RASSF5: variants seen among roughly 807,000 people sequenced by gnomAD.
RASSF5 encodes the protein ras association domain-containing protein 5.
In RASSF5, 25 loss-of-function variants were observed where a neutral mutation model predicts 40.5. The observed-to-expected ratio is 0.62, with a 90% CI of 0.45 to 0.86. The LOEUF is 0.86. Ranked by LOEUF, RASSF5 falls within the 40% of genes least tolerant of loss-of-function variation. The pLI is 0.00. For synonymous variants in RASSF5, 246 were observed against 252.4 expected, an observed-to-expected ratio of 0.97 and a Z score of 0.24; for missense variants, 521 against 572.8, an observed-to-expected ratio of 0.91 and a Z score of 0.92.
chr1:206,539,123 G>A (rs782151038), intron 2 of RASSF5, among the ~76,000 whole-genome samples: 64 of 152,182 alleles, frequency 4.2e-4, no homozygotes, highest in Non-Finnish European at 7.5e-4. Context: ...TAATGTGTGG[G>A]TTGAAGGTTG....
At chr1:206,570,309 G>A (rs1247939262) in intron 2 of RASSF5, among the ~76,000 whole-genome samples, 1 of 151,824 alleles carries the variant, frequency 6.6e-6, no homozygotes, top group Non-Finnish European at 1.5e-5. Context: ...GGTCAGGATG[G>A]TCTCAGACTC....
At chr1:206,527,499 T>C (rs1037113916) in intron 1 of RASSF5, among the ~76,000 whole-genome samples, 1 of 152,026 alleles carries the variant, frequency 6.6e-6, no homozygotes, top group Non-Finnish European at 1.5e-5. Context: ...CTCGCAGATA[T>C]GGTGTTCCAG....
intron 2 of RASSF5, among the ~76,000 whole-genome samples, chr1:206,556,454 G>A (rs1667988776): frequency 6.6e-6 from 1 of 152,216 alleles, no homozygotes; most frequent in Non-Finnish European, 1.5e-5. Flanking sequence ...GAAGGATTCA[G>A]CCCTATGTGT....
intron 1 of RASSF5, among the ~76,000 whole-genome samples, chr1:206,532,486 A>G (rs751203933): frequency 3.9e-5 from 6 of 152,332 alleles, no homozygotes; most frequent in Non-Finnish European, 7.3e-5. Context: ...TTCTCTTTCC[A>G]TGACATCACA....
intron 2 of RASSF5, chr1:206,541,923 A>G (rs1034555788): frequency 6.6e-6 from 1 of 152,176 alleles, no homozygotes; most frequent in Non-Finnish European, 1.5e-5. Flanking sequence ...TGGCCCCAAG[A>G]GAAGAAGTCT....
At chr1:206,549,955 T>C (rs1466743963) in intron 2 of RASSF5, among the ~76,000 whole-genome samples, 3 of 152,220 alleles carry the variant, frequency 2.0e-5, no homozygotes, top group African/African-American at 7.2e-5. Flanking sequence ...GTGAATACTA[T>C]AGGGGCCTTT....
At chr1:206,534,932 A>G (rs1291056732) in intron 1 of RASSF5, among the ~76,000 whole-genome samples, 4 of 152,050 alleles carry the variant, frequency 2.6e-5, no homozygotes, top group African/African-American at 4.8e-5. Flanking sequence ...CTCCTTCCTC[A>G]TCCAAACTGA....
Position 206,538,162 on chromosome 1 carries a change from T to G in RASSF5, c.458-10T>G, listed in dbSNP as rs527999459. ...TGTCCTCTAATCTCCCTTTTGTTCT[T>G]TACCTCCAGACTGTAAATTCACCTG... On this transcript the variant is annotated splice_polypyrimidine_tract_variant and intron_variant, in intron 1 of 5. Coordinates refer to ENST00000579436, the MANE Select transcript of RASSF5 (RefSeq NM_182663.4). 6 of 1,614,024 alleles carry G rather than the reference T, an allele frequency of 3.7e-6. No homozygotes were observed. Among genetic ancestry groups the G allele is most frequent in the Non-Finnish European group, 5.1e-6 (6 of 1,180,026 alleles).
rs10603701 is a variant in RASSF5 at position 206,546,089 on chromosome 1, ATTTTTTTTTTTTTT to A, written c.579+7820_579+7833del. ...TTTTTCTTTTCTTTCTTCTTTTTCT[ATTTTTTTTTTTTTT>A]TTTTTTTTTTTTTTTTTTTTTTTGG... On this transcript the variant is annotated intron_variant, in intron 2 of 5. Transcript: ENST00000579436. Among the ~76,000 whole-genome samples, 268 of 48,208 alleles carry A rather than the reference ATTTTTTTTTTTTTT, an allele frequency of 5.6e-3. 3 individuals carry two copies. The highest frequency in any genetic ancestry group is 0.02 in the African/African-American group (249 of 12,316). The allele number at this position is 48,208 out of a possible 152,430, so 31.6% of individuals were successfully genotyped here.
At chr1:206,510,410 TTCA>T (rs1433696335) in intron 1 of RASSF5, among the ~76,000 whole-genome samples, 84 of 152,322 alleles carry the variant, frequency 5.5e-4, no homozygotes, top group African/African-American at 2.0e-3. Context: ...TATTACCTAC[TTCA>T]TCATGTTAAT....
intron 2 of RASSF5, among the ~76,000 whole-genome samples, chr1:206,582,069 C>T (rs183188565): frequency 8.5e-5 from 13 of 152,332 alleles, no homozygotes; most frequent in Admixed American, 5.9e-4. Flanking sequence ...ACTTGAACGT[C>T]AGGCAAATTC....
At chr1:206,527,903 C>T (rs781892241) in intron 1 of RASSF5, among the ~76,000 whole-genome samples, 2 of 152,178 alleles carry the variant, frequency 1.3e-5, no homozygotes, top group African/African-American at 2.4e-5. Context: ...TGCATCTTCA[C>T]TCTCCACCCT....
intron 1 of RASSF5, among the ~76,000 whole-genome samples, chr1:206,536,698 CGAGGTGCCTG>C (rs1667421955): frequency 6.6e-6 from 1 of 152,146 alleles, no homozygotes; most frequent in African/African-American, 2.4e-5. Context: ...AAAAGCATTT[CGAGGTGCCTG>C]AGCCCTTATC....
intron 1 of RASSF5, among the ~76,000 whole-genome samples, chr1:206,529,981 G>A (rs188596081): frequency 1.3e-5 from 2 of 152,268 alleles, no homozygotes; most frequent in African/African-American, 2.4e-5. Context: ...CCCAGTCATA[G>A]TATGGATTAT....
intron 1 of RASSF5, chr1:206,518,567 G>T (rs1273240582): frequency 5.0e-6 from 2 of 398,620 alleles, no homozygotes; most frequent in Non-Finnish European, 8.8e-6. Context: ...CAATCTGACT[G>T]GGGGAGCTTG....
intron 1 of RASSF5, among the ~76,000 whole-genome samples, chr1:206,527,697 T>C (rs782099910): frequency 6.6e-6 from 1 of 152,158 alleles, no homozygotes; most frequent in African/African-American, 2.4e-5. Context: ...GTACTCTCCC[T>C]GCTCCCTGCT....
intron 1 of RASSF5, among the ~76,000 whole-genome samples, chr1:206,526,294 T>TGTGTGTGTGTGTGTGTGTGTGTGTGTGTG (rs1553397207): frequency 3.7e-5 from 1 of 26,720 alleles, no homozygotes; most frequent in African/African-American, 2.0e-4. Context: ...GTGTGTGTGT[T>TGTGTGTGTGTGTGTGTGTGTGTGTGTGTG]GGAGTTGGGG....
At chr1:206,577,579 C>T (rs904526239) in intron 2 of RASSF5, among the ~76,000 whole-genome samples, 5 of 152,114 alleles carry the variant, frequency 3.3e-5, no homozygotes, top group Admixed American at 2.6e-4. Context: ...GTCAGAAGCC[C>T]AACACACACT....
rs868929356 is a variant in RASSF5 at position 206,531,968 on chromosome 1, C to T, written c.458-6204C>T. On this transcript the variant is annotated intron_variant, in intron 1 of 5. Transcript: ENST00000579436. The surrounding 1 kb of genome is among the most constrained non-coding windows in gnomAD (Gnocchi z 4.7). ...TTGGGAGGCTGAGGCAGGAGAATGG[C>T]GTGAACCCGGGAGGCGGAGCTTGCA... Among the ~76,000 whole-genome samples the T allele has an allele frequency of 2.0e-5, 3 of 151,780 alleles. No individual in the cohort carries two copies. Among genetic ancestry groups the T allele is most frequent in the Non-Finnish European group, 2.9e-5 (2 of 67,970 alleles).
Sources: allele counts gnomAD v4.1 joint callset (sites outside exome capture counted in the v4.1 genomes callset), GRCh38; gene constraint gnomAD v4.1.1; non-coding constraint Gnocchi (gnomAD v3.1); transcripts MANE v1.5; gene names NCBI Gene and HGNC (gene_info 2026-07-23, HGNC 2026-07-21).